The following PDXDC1 variants were observed in gnomAD, a reference collection of about 807,000 sequenced individuals.
PDXDC1 encodes the protein pyridoxal dependent decarboxylase domain containing 1.
PDXDC1 carries 42 observed loss-of-function variants against 100.1 expected under a neutral mutation model. The ratio of observed to expected loss-of-function variants is 0.42; its 90% CI spans 0.33 to 0.54. PDXDC1 has a LOEUF of 0.54. Among genes scored for constraint, PDXDC1 ranks in the 20% least tolerant of loss-of-function variants. The pLI is 0.10. For missense variants in PDXDC1, 636 were observed against 979.2 expected, an observed-to-expected ratio of 0.65 and a Z score of 4.68; for synonymous variants, 260 against 371.7, an observed-to-expected ratio of 0.70 and a Z score of 3.46.
At chr16:15,005,719 A>T (rs1184028620) in intron 5 of PDXDC1, among the ~76,000 whole-genome samples, 8 of 152,248 alleles carry the variant, frequency 5.3e-5, no homozygotes, top group African/African-American at 1.9e-4. Flanking sequence ...TATTTTTTTG[A>T]GATGGAGTCT....
chr16:15,004,549 T>C (rs1246352008), intron 5 of PDXDC1, among the ~76,000 whole-genome samples: 1 of 152,298 alleles, frequency 6.6e-6, no homozygotes, highest in Non-Finnish European at 1.5e-5. Flanking sequence ...AATGGACTAA[T>C]ACATGTGAAG....
Position 15,036,644 on chromosome 16 carries a change from T to C in PDXDC1, c.*369T>C, listed in dbSNP as rs926195640. On this transcript the variant is annotated 3_prime_UTR_variant, in exon 23 of 23. Transcript: ENST00000396410. ...ACTTTTTGGTAAAACAGCTTTTCAT[T>C]AGCACTCTCCAGGTTCTCTGCAACA... The C allele has an allele frequency of 2.3e-5, 6 of 258,696 alleles. No individual in the cohort carries two copies. The highest frequency in any genetic ancestry group is 8.8e-5 in the East Asian group (1 of 11,372). The allele number at this position is 258,696 out of a possible 1,614,324, so 16.0% of individuals were successfully genotyped here.
intron 16 of PDXDC1, among the ~76,000 whole-genome samples, chr16:15,080,835 A>AG (rs2045667555): frequency 6.7e-6 from 1 of 149,002 alleles, no homozygotes; most frequent in Non-Finnish European, 1.5e-5. Context: ...TGCCTCTTTG[A>AG]CATTTCATAT....
At chr16:15,047,816 C>A in intron 16 of PDXDC1, 2 of 1,517,080 alleles carry the variant, frequency 1.3e-6, no homozygotes, top group South Asian at 2.2e-5. Context: ...AAGGTTGGGT[C>A]AGTTTAAGTA....
At chr16:14,986,235 G>T (rs1412233472) in intron 1 of PDXDC1, among the ~76,000 whole-genome samples, 1 of 152,300 alleles carries the variant, frequency 6.6e-6, no homozygotes, top group Non-Finnish European at 1.5e-5. Flanking sequence ...CACTTTGGGA[G>T]GCCAAGGCAG....
At chr16:15,047,403 A>G (rs201762534) in intron 16 of PDXDC1, 1 of 1,330,032 alleles carries the variant, frequency 7.5e-7, no homozygotes, top group East Asian at 2.3e-5. Context: ...CGACGGTTCC[A>G]AGATCTCAAT....
chr16:15,122,823 G>GGGGGAGGGGGAGGGGAA (rs2047493046), intron 16 of PDXDC1, among the ~76,000 whole-genome samples: 1 of 36,948 alleles, frequency 2.7e-5, no homozygotes, highest in Non-Finnish European at 7.2e-5. Context: ...GAGTTGGGGA[G>GGGGGAGGGGGAGGGGAA]GGGGAGGGGA....
chr16:15,033,777 C>A (rs989501772), intron 19 of PDXDC1, among the ~76,000 whole-genome samples: 1 of 152,148 alleles, frequency 6.6e-6, no homozygotes, highest in African/African-American at 2.4e-5. Context: ...ATGTGTGGTT[C>A]CCCCTACACC....
At chr16:15,028,997 C>G in intron 15 of PDXDC1, 31 bp downstream of exon 15, 1 of 1,603,198 alleles carries the variant, frequency 6.2e-7, no homozygotes, top group Non-Finnish European at 8.5e-7. Context: ...CCTTTCCTTT[C>G]AGGTCCCCGT....
chr16:15,062,483 G>A (rs1173643042), intron 16 of PDXDC1, among the ~76,000 whole-genome samples: 2 of 152,178 alleles, frequency 1.3e-5, no homozygotes, highest in African/African-American at 4.8e-5. Context: ...GTGCTCCCAA[G>A]CAACAGAGCA....
At chr16:15,096,744 G>A (rs1203185145) in intron 16 of PDXDC1, among the ~76,000 whole-genome samples, 3 of 152,250 alleles carry the variant, frequency 2.0e-5, no homozygotes, top group Admixed American at 6.5e-5. Flanking sequence ...GCGCAATGGC[G>A]CGATCATGGC....
At chr16:15,130,714 A>T (rs1388691562) in intron 16 of PDXDC1, 1 of 1,510,314 alleles carries the variant, frequency 6.6e-7, no homozygotes, top group Non-Finnish European at 9.2e-7. Flanking sequence ...CTAGCCGAGC[A>T]GTTGTGCTCA....
chr16:14,990,307 G>A (rs1417978482), intron 1 of PDXDC1: 3 of 189,266 alleles, frequency 1.6e-5, no homozygotes, highest in East Asian at 3.8e-4. Context: ...AGCCGCCATC[G>A]CTGCTTCCTC....
intron 16 of PDXDC1, among the ~76,000 whole-genome samples, chr16:15,081,292 G>C (rs1025149522): frequency 4.6e-5 from 7 of 152,258 alleles, no homozygotes; most frequent in African/African-American, 1.7e-4. Flanking sequence ...GAAATGCCAG[G>C]CTATTTTCCA....
At chr16:15,089,533 A>G (rs996286520) in intron 16 of PDXDC1, among the ~76,000 whole-genome samples, 1 of 151,456 alleles carries the variant, frequency 6.6e-6, no homozygotes, top group Non-Finnish European at 1.5e-5. Flanking sequence ...GGGCGTGGTT[A>G]CTCACGCCTC....
chr16:14,987,733 T>A (rs1337817852), intron 1 of PDXDC1, among the ~76,000 whole-genome samples: 2 of 152,286 alleles, frequency 1.3e-5, no homozygotes, highest in African/African-American at 4.8e-5. Context: ...TGCCTCAGTC[T>A]CCCGAATAGC....
intron 1 of PDXDC1, among the ~76,000 whole-genome samples, chr16:14,993,135 T>A (rs1347525795): frequency 3.8e-3 from 550 of 146,658 alleles, no homozygotes; most frequent in African/African-American, 0.015. Context: ...AAAAAAAAAT[T>A]TTTTTTTTAA....
At chr16:15,034,788 C>T (rs1034673279) in intron 21 of PDXDC1, among the ~76,000 whole-genome samples, 3 of 152,200 alleles carry the variant, frequency 2.0e-5, no homozygotes, top group East Asian at 1.9e-4. Context: ...CTGTCACCAC[C>T]GCAAGGCCAT....
intron 16 of PDXDC1, among the ~76,000 whole-genome samples, chr16:15,063,577 G>A (rs1206198916): frequency 4.6e-5 from 7 of 151,390 alleles, no homozygotes; most frequent in African/African-American, 9.7e-5. Flanking sequence ...GTGTGGTGGC[G>A]GACACCTGTA....
Sources: gnomAD v4.1 joint callset for allele counts (sites outside exome capture counted in the v4.1 genomes callset) on GRCh38, gnomAD v4.1.1 for gene constraint, MANE v1.5 for transcripts, NCBI Gene and HGNC (gene_info 2026-07-23, HGNC 2026-07-21) for gene names.